The following DLG2 variants were observed in gnomAD, a reference collection of about 807,000 sequenced individuals.
DLG2 encodes discs large MAGUK scaffold protein 2.
In DLG2, 45 loss-of-function variants were observed where a neutral mutation model predicts 132.5. That is an observed-to-expected ratio of 0.34 (90% CI 0.27 to 0.44). DLG2 has a LOEUF of 0.44. Among genes scored for constraint, DLG2 ranks in the 20% least tolerant of loss-of-function variants. The probability of loss-of-function intolerance (pLI) is 1.00; values close to 1 mark genes in which losing one functional copy is unlikely to be tolerated. For missense variants in DLG2, 1,045 were observed against 1,196.9 expected, an observed-to-expected ratio of 0.87 and a Z score of 1.87; for synonymous variants, 424 against 419.6, an observed-to-expected ratio of 1.01 and a Z score of -0.13.
At chr11:84,967,330 A>T (rs2053488975) in intron 6 of DLG2, among the ~76,000 whole-genome samples, 1 of 152,130 alleles carries the variant, frequency 6.6e-6, no homozygotes. Flanking sequence ...ACTCACTAAG[A>T]AATGGATAAT....
At chr11:85,375,517 G>GA (rs1002971410) in intron 3 of DLG2, among the ~76,000 whole-genome samples, 2 of 151,890 alleles carry the variant, frequency 1.3e-5, no homozygotes, top group Non-Finnish European at 2.9e-5. Flanking sequence ...GTTTCTATGG[G>GA]AAAAAAACCA....
At chr11:84,126,670 A>G (rs750400727) in intron 9 of DLG2, among the ~76,000 whole-genome samples, 1 of 152,252 alleles carries the variant, frequency 6.6e-6, no homozygotes, top group Non-Finnish European at 1.5e-5. Context: ...CCTCATTAGT[A>G]ATAAAATGCA....
rs1389139318 is a variant in DLG2, at chr11:83,919,378, C to G, written c.1496+10950G>C. On this transcript the variant is annotated intron_variant, in intron 15 of 27. Transcript: ENST00000376104. ...GACCTTCAGGTTTCCCATGCAGAGT[C>G]TCTGAATACCCAGCATTCAATAAAT... Among the ~76,000 whole-genome samples the G allele has an allele frequency of 1.3e-5, 2 of 152,054 alleles. 1 individual carries two copies. Among genetic ancestry groups the G allele is most frequent in the African/African-American group, 4.8e-5 (2 of 41,378 alleles).
intron 6 of DLG2, among the ~76,000 whole-genome samples, chr11:84,803,944 A>C (rs572504976): frequency 3.9e-5 from 6 of 152,332 alleles, no homozygotes; most frequent in Non-Finnish European, 7.4e-5. Flanking sequence ...AAATGATCAC[A>C]CAGGTACAGA....
chr11:83,962,830 G>A (rs752688609), intron 14 of DLG2, 55 bp downstream of exon 14: 4 of 1,593,848 alleles, frequency 2.5e-6, no homozygotes, highest in Non-Finnish European at 3.4e-6. Flanking sequence ...TTAGGCAAAT[G>A]TGATTTCTTT....
At chr11:83,657,740 C>A (rs879840176) in intron 18 of DLG2, among the ~76,000 whole-genome samples, 1 of 151,984 alleles carries the variant, frequency 6.6e-6, no homozygotes, top group Non-Finnish European at 1.5e-5. Flanking sequence ...CGGGGTTTCA[C>A]CGCATTAGCC....
intron 9 of DLG2, among the ~76,000 whole-genome samples, chr11:84,118,683 T>G (rs574419118): frequency 1.3e-5 from 2 of 152,348 alleles, no homozygotes; most frequent in South Asian, 4.1e-4. Flanking sequence ...TGTTCTTTAC[T>G]CATCCTTTCA....
At chr11:85,031,009 T>C (rs1443059222) in intron 6 of DLG2, among the ~76,000 whole-genome samples, 1 of 151,982 alleles carries the variant, frequency 6.6e-6, no homozygotes, top group Non-Finnish European at 1.5e-5. Flanking sequence ...GTTACATGAG[T>C]ATATCGCATA....
At chr11:84,524,867 A>T (rs200008319) in intron 7 of DLG2, among the ~76,000 whole-genome samples, 97 of 146,830 alleles carry the variant, frequency 6.6e-4, no homozygotes, top group African/African-American at 1.7e-3. Flanking sequence ...TTTTTTTTTT[A>T]AATTAATCAA....
At chr11:84,230,451 T>A (rs1269398129) in intron 8 of DLG2, among the ~76,000 whole-genome samples, 1 of 152,232 alleles carries the variant, frequency 6.6e-6, no homozygotes, top group Non-Finnish European at 1.5e-5. Context: ...AAATAAATGT[T>A]TGTAAAAGTA....
At chr11:85,363,806 T>C (rs955564420) in intron 3 of DLG2, among the ~76,000 whole-genome samples, 4 of 152,230 alleles carry the variant, frequency 2.6e-5, no homozygotes, top group Admixed American at 2.0e-4. Context: ...CATATAGTTG[T>C]CAAAGTATAA....
chr11:83,925,952 C>T (rs1319579732), intron 15 of DLG2, among the ~76,000 whole-genome samples: 1 of 152,004 alleles, frequency 6.6e-6, no homozygotes, highest in East Asian at 1.9e-4. Flanking sequence ...CCATAGAAAT[C>T]CTATTTGTTT....
rs2074636761 is a variant in DLG2, at chr11:85,123,201, T to C, written c.283-11466A>G. ...ACCGTGTTAGCAAGGATGGTCTCGATTTCCTGACCTCGTGATCCGCCCGCC... is the reference window on the plus strand; with the variant it reads ...ACCGTGTTAGCAAGGATGGTCTCGACTTCCTGACCTCGTGATCCGCCCGCC... On this transcript the variant is annotated intron_variant, in intron 5 of 27. Coordinates refer to ENST00000376104, the MANE Select transcript of DLG2 (RefSeq NM_001142699.3). 2.0e-5 allele frequency among the ~76,000 whole-genome samples: 3 copies of C among 151,496 alleles called. No individual in the cohort carries two copies. In the South Asian group the frequency reaches 6.2e-4, roughly 31 times the overall value.
intron 6 of DLG2, among the ~76,000 whole-genome samples, chr11:84,589,322 T>C (rs1255338284): frequency 1.3e-5 from 2 of 152,184 alleles, no homozygotes; most frequent in East Asian, 1.9e-4. Context: ...TAATGATTTC[T>C]ACACCCTAAG....
intron 3 of DLG2, among the ~76,000 whole-genome samples, chr11:85,426,954 C>T: frequency 6.6e-6 from 1 of 152,098 alleles, no homozygotes; most frequent in East Asian, 1.9e-4. Flanking sequence ...AGCTGAAAAC[C>T]AAGGCACGAG....
chr11:85,524,530 T>C (rs2074590007), intron 3 of DLG2, among the ~76,000 whole-genome samples: 1 of 152,190 alleles, frequency 6.6e-6, no homozygotes, highest in African/African-American at 2.4e-5. Context: ...TCTTGCTTTG[T>C]TGACCAGGGT....
At chr11:84,742,921 T>A (rs901301957) in intron 6 of DLG2, among the ~76,000 whole-genome samples, 3 of 152,198 alleles carry the variant, frequency 2.0e-5, no homozygotes, top group Non-Finnish European at 2.9e-5. Context: ...CCTTTTAATA[T>A]TGGCTTCCTG....
intron 3 of DLG2, among the ~76,000 whole-genome samples, chr11:85,443,739 T>C (rs2091888457): frequency 6.6e-6 from 1 of 152,250 alleles, no homozygotes; most frequent in African/African-American, 2.4e-5. Flanking sequence ...TCTTAAATGA[T>C]TTGTGATCAG....
chr11:85,504,027 T>C (rs986564250), intron 3 of DLG2, among the ~76,000 whole-genome samples: 1 of 152,210 alleles, frequency 6.6e-6, no homozygotes, highest in Non-Finnish European at 1.5e-5. Context: ...AAGTGTCTGT[T>C]CATATACTTC....
Sources: allele counts gnomAD v4.1 joint callset (sites outside exome capture counted in the v4.1 genomes callset), GRCh38; gene constraint gnomAD v4.1.1; transcripts MANE v1.5; gene names NCBI Gene and HGNC (gene_info 2026-07-23, HGNC 2026-07-21).